ADPRHL1: variants seen among roughly 807,000 people sequenced by gnomAD.
The protein encoded by ADPRHL1 is inactive ADP-ribosyltransferase ARH2.
ADPRHL1 carries 43 observed loss-of-function variants against 44.1 expected under a neutral mutation model. The ratio of observed to expected loss-of-function variants is 0.98; its 90% CI spans 0.76 to 1.26. The LOEUF (loss-of-function observed/expected upper bound fraction) is 1.26. Among genes scored for constraint, ADPRHL1 ranks in the 50% most tolerant of loss-of-function variants. The pLI is 0.00. For synonymous variants in ADPRHL1, 878 were observed against 1,017.4 expected (o/e 0.86, Z 2.61); for missense variants, 2,022 against 2,496.9 (o/e 0.81, Z 4.05).
At position 113,402,010 on chromosome 13, in the gene ADPRHL1, G is replaced by C. The variant is rs1411373257; in HGVS notation, c.*1368C>G. ...GCAGCAGGCACCAAAGCGCCTTTGCGAACGCTTAGGGCTGTTTCAGGAAAC... is the reference window on the plus strand; with the variant it reads ...GCAGCAGGCACCAAAGCGCCTTTGCCAACGCTTAGGGCTGTTTCAGGAAAC... On this transcript the variant is annotated 3_prime_UTR_variant, in exon 8 of 8. Coordinates refer to ENST00000612156, the MANE Select transcript of ADPRHL1 (RefSeq NM_001394807.1). The C allele has an allele frequency of 2.0e-5, 3 of 152,270 alleles. No individual in the cohort carries two copies. The highest frequency in any genetic ancestry group is 6.5e-5 in the Admixed American group (1 of 15,294). 9.4% of individuals were successfully genotyped at this position (152,270 alleles called of 1,614,324 possible). A position where few individuals can be genotyped will look rare whatever the true frequency, so the allele number is the denominator to read the frequency against.
intron 3 of ADPRHL1, among the ~76,000 whole-genome samples, chr13:113,433,303 G>A (rs953643260): frequency 1.3e-5 from 2 of 152,120 alleles, no homozygotes; most frequent in African/African-American, 4.8e-5. Flanking sequence ...ACAAACCCTT[G>A]TCCCCAGGGT....
At chr13:113,434,099 G>A (rs1401584233) in intron 2 of ADPRHL1, among the ~76,000 whole-genome samples, 6 of 152,338 alleles carry the variant, frequency 3.9e-5, no homozygotes, top group East Asian at 1.9e-4. Flanking sequence ...AAAACAGAAC[G>A]TTTGATGGCC....
At chr13:113,444,875 A>G (rs9549800) in intron 1 of ADPRHL1, among the ~76,000 whole-genome samples, 26,055 of 151,834 alleles carry the variant, frequency 0.17, 2,411 homozygotes, top group African/African-American at 0.22. Context: ...TGCCCACCTC[A>G]GCCTCCCAAA....
Position 113,401,202 on chromosome 13 carries a change from A to G in ADPRHL1, c.*2176T>C, listed in dbSNP as rs1034312447. ...CCCCAGGCATGAGCAGGGGCCGCCA[A>G]CAGGACAAAGAGGCCACTCTGTCAG... On this transcript the variant is annotated 3_prime_UTR_variant, in exon 8 of 8. Coordinates refer to ENST00000612156, the MANE Select transcript of ADPRHL1 (RefSeq NM_001394807.1). This position sits in a 1 kb window ranked among gnomAD's most constrained non-coding sequence, Gnocchi z 5.5. 1 of 152,038 alleles carries G rather than the reference A, an allele frequency of 6.6e-6. No homozygotes were observed. Among genetic ancestry groups the G allele is most frequent in the Non-Finnish European group, 1.5e-5 (1 of 68,028 alleles). The allele number at this position is 152,038 out of a possible 1,614,324, so 9.4% of individuals were successfully genotyped here.
chr13:113,438,636 G>A (rs962691207), intron 2 of ADPRHL1, among the ~76,000 whole-genome samples: 3 of 152,166 alleles, frequency 2.0e-5, no homozygotes, highest in African/African-American at 7.2e-5. Flanking sequence ...AGAGGTTGCA[G>A]TGAGCCGAGA....
intron 4 of ADPRHL1, among the ~76,000 whole-genome samples, chr13:113,427,877 G>A (rs2043978369): frequency 1.5e-5 from 2 of 130,550 alleles, no homozygotes; most frequent in East Asian, 3.7e-4. Flanking sequence ...CTGCACCCCC[G>A]TGGAAAGCTG....
intron 7 of ADPRHL1, among the ~76,000 whole-genome samples, chr13:113,417,331 T>C (rs1321190609): frequency 1.3e-5 from 2 of 152,188 alleles, no homozygotes; most frequent in East Asian, 1.9e-4. Flanking sequence ...TCCTGGGCGA[T>C]TGCCCTTCTC....
At chr13:113,417,072 A>C (rs1308949997) in intron 7 of ADPRHL1, among the ~76,000 whole-genome samples, 5 of 152,242 alleles carry the variant, frequency 3.3e-5, no homozygotes, top group African/African-American at 1.2e-4. Flanking sequence ...AAGCTGCGTC[A>C]TGACAGGTGT....
chr13:113,405,694 C>A lies in ADPRHL1; in HGVS notation c.3588G>T (p.Val1196=). The change falls in exon 8 of 8, where the codon GTG becomes GTT. Residue 1196 remains valine, a synonymous_variant. Transcript: ENST00000612156. ...TGTCCTCTGGGTGCTGGACGAGGGCCACGCCTCTCAGGAGGCTCCTCCCTG... is the reference window on the plus strand; with the variant it reads ...TGTCCTCTGGGTGCTGGACGAGGGCAACGCCTCTCAGGAGGCTCCTCCCTG... ...GAAGRSLLRG[V]ALVQHPEDIA... 8.1e-7 allele frequency: 1 copy of A among 1,231,986 alleles called. No individual in the cohort carries two copies. The highest frequency in any genetic ancestry group is 1.0e-6 in the Non-Finnish European group (1 of 988,168). 76.3% of individuals were successfully genotyped at this position (1,231,986 alleles called of 1,614,324 possible).
chr13:113,427,508 C>T (rs938201216), intron 4 of ADPRHL1, among the ~76,000 whole-genome samples: 1 of 152,208 alleles, frequency 6.6e-6, no homozygotes, highest in Admixed American at 6.5e-5. Flanking sequence ...GGATTATAGG[C>T]GTGAGCCACC....
rs1249750715 is a variant in ADPRHL1 at position 113,400,335 on chromosome 13, AG to A, written c.*3042del. On this transcript the variant is annotated 3_prime_UTR_variant, in exon 8 of 8. Coordinates refer to ENST00000612156, the MANE Select transcript of ADPRHL1 (RefSeq NM_001394807.1). ...TAATTTTTGTATTTTTAGTAGAGAC[AG>A]GGTTTCACTGTGTTAGCCAGGATGG... 6 of 151,464 alleles carry A rather than the reference AG, an allele frequency of 4.0e-5. No individual in the cohort carries two copies. Among genetic ancestry groups the A allele is most frequent in the African/African-American group, 1.5e-4 (6 of 41,218 alleles). The allele number at this position is 151,464 out of a possible 1,614,324, so 9.4% of individuals were successfully genotyped here. A position where few individuals can be genotyped will look rare whatever the true frequency, so the allele number is the denominator to read the frequency against.
chr13:113,446,525 G>A (rs576936923), intron 1 of ADPRHL1, among the ~76,000 whole-genome samples: 1 of 152,102 alleles, frequency 6.6e-6, no homozygotes, highest in Non-Finnish European at 1.5e-5. Flanking sequence ...ATATGGGCAC[G>A]GCGTTGTCTA....
intron 7 of ADPRHL1, among the ~76,000 whole-genome samples, chr13:113,420,881 CCCCCGGGACCCGCTCA>C: frequency 6.7e-6 from 1 of 148,562 alleles, no homozygotes; most frequent in Non-Finnish European, 1.5e-5. Flanking sequence ...GACCCGCCCA[CCCCCGGGACCCGCTCA>C]CCCCGGGACA....
In ADPRHL1 at chr13:113,424,240, C is replaced by G; in HGVS notation, c.884G>C (p.Cys295Ser). 6.2e-7 allele frequency: 1 copy of G among 1,612,854 alleles called. No homozygotes were observed. Residue 295 changes from cysteine to serine, a missense_variant, in exon 6 of 8, where the codon TGT becomes TCT. Around this residue, in one of 8 missense-constraint regions of ADPRHL1, gnomAD observed 437 missense variants for 430.7 expected, o/e 1.01. Transcript: ENST00000612156. Reference protein sequence around the residue: ...LAAGNSWTELCHRAMFHGGES... With the variant: ...LAAGNSWTELSHRAMFHGGES... ...ACCTCCATGAAACATGGCCCGGTGACACAGCTCAGTCCAGCTGTTTCCTGC... is the reference window on the plus strand; with the variant it reads ...ACCTCCATGAAACATGGCCCGGTGAGACAGCTCAGTCCAGCTGTTTCCTGC...
intron 7 of ADPRHL1, among the ~76,000 whole-genome samples, chr13:113,420,728 A>T (rs1037879075): frequency 6.6e-6 from 1 of 152,126 alleles, no homozygotes; most frequent in Non-Finnish European, 1.5e-5. Context: ...ACGGAGCCAC[A>T]TTGCTGCAGC....
intron 2 of ADPRHL1, among the ~76,000 whole-genome samples, chr13:113,442,586 C>T (rs979149983): frequency 6.6e-6 from 1 of 152,196 alleles, no homozygotes; most frequent in East Asian, 1.9e-4. Context: ...TGTTGCTTCT[C>T]TGTGTGTGAT....
At chr13:113,425,251 G>A (rs2043959914) in intron 4 of ADPRHL1, 72 bp from the exon 5 acceptor site, 3 of 1,218,404 alleles carry the variant, frequency 2.5e-6, no homozygotes, top group Non-Finnish European at 3.4e-6. Flanking sequence ...GGAGTTGGGG[G>A]TGGGGAGGGT....
chr13:113,407,610 T>C lies in ADPRHL1; in HGVS notation c.1672A>G (p.Asn558Asp), dbSNP rs1352246732. The stretch of plus-strand genomic sequence containing the variant: ...CTGGCCTCGGAGCACAGGCAGCTGT[T>C]CTGCTCGAACTTCTCCCGCAGCTTG... Reference protein sequence around the residue: ...LSKLREKFEQNSCLCSEASAL... With the variant: ...LSKLREKFEQDSCLCSEASAL... Residue 558 changes from asparagine (N) to aspartate (D), a missense_variant, in exon 8 of 8, where the codon AAC becomes GAC. This residue lies in a region of ADPRHL1 where 1,221 missense variants were observed against 1,517.8 expected (regional missense o/e 0.80). Coordinates refer to ENST00000612156, the MANE Select transcript of ADPRHL1 (RefSeq NM_001394807.1). 22 of 1,232,044 alleles carry C rather than the reference T, an allele frequency of 1.8e-5. No individual in the cohort carries two copies. The highest frequency in any genetic ancestry group is 2.2e-5 in the Non-Finnish European group (22 of 988,056). The allele number at this position is 1,232,044 out of a possible 1,614,324, so 76.3% of individuals were successfully genotyped here.
chr13:113,412,272 G>C (rs1450766267), intron 7 of ADPRHL1, among the ~76,000 whole-genome samples: 1 of 152,196 alleles, frequency 6.6e-6, no homozygotes, highest in Non-Finnish European at 1.5e-5. Flanking sequence ...CCGCCTCCCA[G>C]GTTCACAGCA....
Sources: allele counts gnomAD v4.1 joint callset (sites outside exome capture counted in the v4.1 genomes callset), GRCh38; gene constraint gnomAD v4.1.1; regional missense constraint gnomAD v4.1.1; non-coding constraint Gnocchi (gnomAD v3.1); transcripts MANE v1.5; gene names NCBI Gene and HGNC (gene_info 2026-07-23, HGNC 2026-07-21).